Variants in CEP120 observed in about 807,000 individuals in gnomAD.
CEP120 encodes centrosomal protein 120.
A neutral mutation model predicts 126.5 loss-of-function variants in CEP120; 113 were observed. The observed-to-expected ratio is 0.89, with a 90% CI of 0.77 to 1.04. CEP120 has a LOEUF of 1.04. CEP120 is among the 50% of genes least tolerant of loss of function. CEP120 has a pLI of 0.00. For synonymous variants in CEP120, 400 were observed against 394.3 expected (o/e 1.01, Z -0.17); for missense variants, 1,230 against 1,155.7 (o/e 1.06, Z -0.93).
intron 9 of CEP120, among the ~76,000 whole-genome samples, chr5:123,387,668 T>C (rs974393663): frequency 1.3e-5 from 2 of 152,122 alleles, no homozygotes; most frequent in Non-Finnish European, 2.9e-5. Context: ...AAGTGGACTG[T>C]AACAATTTAT....
At chr5:123,403,734 G>A in intron 4 of CEP120, 1 of 423,436 alleles carries the variant, frequency 2.4e-6, no homozygotes, top group Non-Finnish European at 4.6e-6. Context: ...TCTGTTCGAT[G>A]ATATTTCTGC....
At chr5:123,401,152 C>A in intron 4 of CEP120, 1 of 1,608,940 alleles carries the variant, frequency 6.2e-7, no homozygotes, top group Non-Finnish European at 8.5e-7. Flanking sequence ...CGGCTCTCCT[C>A]GCCCTCCAGC....
At position 123,422,878 on chromosome 5, in the gene CEP120, G is replaced by C; in HGVS notation, c.49+72C>G. The C allele has an allele frequency of 2.2e-6, 3 of 1,367,612 alleles. No homozygotes were observed. The South Asian group carries it at 3.5e-5, about 16-fold the overall frequency. 84.7% of individuals were successfully genotyped at this position (1,367,612 alleles called of 1,614,324 possible). A position where few individuals can be genotyped will look rare whatever the true frequency, so the allele number is the denominator to read the frequency against. On this transcript the variant is annotated intron_variant, in intron 1 of 19. Coordinates refer to ENST00000306467, the MANE Select transcript of CEP120 (RefSeq NM_001375405.1). The stretch of plus-strand genomic sequence containing the variant: ...ATGACAGGGTTCTTAAGGTTAACAA[G>C]GCCTCGGTCCCACACTAAGCTTTTA...
intron 18 of CEP120, among the ~76,000 whole-genome samples, chr5:123,351,475 A>G (rs1769193758): frequency 6.6e-6 from 1 of 152,116 alleles, no homozygotes. Context: ...GATTTTATAC[A>G]TGTCTTTTGG....
At chr5:123,401,433 T>C (rs1773227178) in intron 4 of CEP120, 2 of 1,357,096 alleles carry the variant, frequency 1.5e-6, no homozygotes, top group Admixed American at 1.7e-5. Flanking sequence ...ATCTTAGTCT[T>C]TGTGCACCGC....
At chr5:123,367,067 C>CG (rs1180700143) in intron 17 of CEP120, among the ~76,000 whole-genome samples, 1 of 151,776 alleles carries the variant, frequency 6.6e-6, no homozygotes, top group Non-Finnish European at 1.5e-5. Context: ...TATCACATTC[C>CG]TTGGTGTTTG....
chr5:123,398,929 A>C (rs1052663971), intron 5 of CEP120, among the ~76,000 whole-genome samples: 1 of 152,178 alleles, frequency 6.6e-6, no homozygotes, highest in African/African-American at 2.4e-5. Context: ...TGAGAGATTT[A>C]TTCTCTTACA....
At chr5:123,380,706 C>G (rs1346462522) in intron 14 of CEP120, among the ~76,000 whole-genome samples, 2 of 151,988 alleles carry the variant, frequency 1.3e-5, no homozygotes, top group African/African-American at 4.8e-5. Flanking sequence ...CTCTTCAACA[C>G]AATGAAGAGA....
chr5:123,376,763 A>C (rs1484848700), intron 16 of CEP120, among the ~76,000 whole-genome samples: 3 of 152,136 alleles, frequency 2.0e-5, no homozygotes, highest in Admixed American at 2.0e-4. Flanking sequence ...ATGACCCTGC[A>C]TGTGAAAGTC....
At position 123,382,992 on chromosome 5, in the gene CEP120, T is replaced by C. The variant is rs140836572; in HGVS notation, c.1854A>G (p.Ser618=). 3 of 1,599,064 alleles carry C rather than the reference T, an allele frequency of 1.9e-6. No homozygotes were observed. The highest frequency in any genetic ancestry group is 1.7e-5 in the Admixed American group (1 of 58,774). ...VKMREIFISD[S]SQGVSAVQQK... is the part of the protein sequence containing the mutation. ...AACATTCAATTATATTTACCTGAGA[T>C]GAATCAGAGATAAAAATCTCACGCA... The change falls in exon 12 of 20, where the codon TCA becomes TCG. Residue 618 remains serine, a synonymous_variant. Coordinates refer to ENST00000306467, the MANE Select transcript of CEP120 (RefSeq NM_001375405.1).
intron 3 of CEP120, among the ~76,000 whole-genome samples, chr5:123,415,223 A>G (rs986465498): frequency 6.6e-6 from 1 of 152,144 alleles, no homozygotes; most frequent in Admixed American, 6.5e-5. Flanking sequence ...ATAGCAGCTG[A>G]GTTTGGGGTG....
Position 123,389,858 on chromosome 5 carries a change from C to G in CEP120, c.1255+66G>C, listed in dbSNP as rs1350854844. 9 of 1,399,856 alleles carry G rather than the reference C, an allele frequency of 6.4e-6. No homozygotes were observed. In the East Asian group the frequency reaches 1.4e-4, roughly 21 times the overall value. The allele number at this position is 1,399,856 out of a possible 1,614,324, so 86.7% of individuals were successfully genotyped here. ...TATAACTCATGAAAGTTCTCATAGT[C>G]ATTTTTTAGATGGCTGCAAAATGCA... On this transcript the variant is annotated intron_variant, in intron 8 of 19. Transcript: ENST00000306467.
intron 1 of CEP120, chr5:123,422,449 C>A (rs1774779541): frequency 6.9e-7 from 1 of 1,449,076 alleles, no homozygotes; most frequent in African/African-American, 1.4e-5. Context: ...AAACCAATGT[C>A]ATTCATCCAA....
At chr5:123,422,578 G>A (rs1031220078) in intron 1 of CEP120, 5 of 1,528,130 alleles carry the variant, frequency 3.3e-6, no homozygotes, top group Non-Finnish European at 3.5e-6. Flanking sequence ...CAGGAAGCCT[G>A]TATTCAAGTC....
Position 123,390,115 on chromosome 5 carries a change from T to C in CEP120, c.1064A>G (p.Asn355Ser), listed in dbSNP as rs1772295848. Residue 355 changes from asparagine (N) to serine (S), a missense_variant, in exon 8 of 20, where the codon AAT (asparagine) becomes AGT (serine). By Grantham distance (46) the Asn-to-Ser change is conservative (BLOSUM62 1). Transcript: ENST00000306467. ...CTTTGAATGCTCTGGCTCATGTTCA[T>C]TCTGGGTCTTTAATTCAATTAAAGA... ...SQSLIELKTQNEHEPEHSKKK... is the reference protein window; with the variant it reads ...SQSLIELKTQSEHEPEHSKKK... 2 of 1,612,162 alleles carry C rather than the reference T, an allele frequency of 1.2e-6. No individual in the cohort carries two copies. Among genetic ancestry groups the C allele is most frequent in the Non-Finnish European group, 1.7e-6 (2 of 1,179,172 alleles).
intron 1 of CEP120, among the ~76,000 whole-genome samples, chr5:123,419,596 A>G (rs1206206209): frequency 6.6e-6 from 1 of 152,156 alleles, no homozygotes; most frequent in African/African-American, 2.4e-5. Context: ...GCTAAAGAAA[A>G]ATAGCCACAT....
chr5:123,371,809 C>T (rs994157507), intron 17 of CEP120, among the ~76,000 whole-genome samples: 1 of 152,088 alleles, frequency 6.6e-6, no homozygotes, highest in Non-Finnish European at 1.5e-5. Flanking sequence ...GAAAGGAAGC[C>T]TTCAACACAA....
At chr5:123,422,912 G>C (rs765041267) in intron 1 of CEP120, 38 bp downstream of exon 1, 2 of 1,592,966 alleles carry the variant, frequency 1.3e-6, no homozygotes, top group African/African-American at 2.7e-5. Context: ...TAAAACTCGG[G>C]AGGCAGCAGT....
chr5:123,408,049 T>A (rs563269552), intron 4 of CEP120, among the ~76,000 whole-genome samples: 2 of 151,844 alleles, frequency 1.3e-5, no homozygotes, highest in South Asian at 4.2e-4. Context: ...TTTTTATTTG[T>A]CTGAGAGTTT....
Sources: allele counts gnomAD v4.1 joint callset (sites outside exome capture counted in the v4.1 genomes callset), GRCh38; gene constraint gnomAD v4.1.1; transcripts MANE v1.5; gene names NCBI Gene and HGNC (gene_info 2026-07-23, HGNC 2026-07-21).